Variants in STAB2 observed in about 807,000 individuals in gnomAD.
STAB2 encodes the protein stabilin 2, also known as stabilin-2.
Under a neutral mutation model 338.1 loss-of-function variants are expected in STAB2, and 288 were observed. The observed-to-expected ratio is 0.85, with a 90% CI of 0.77 to 0.94. STAB2 has a LOEUF of 0.94. Among genes scored for constraint, STAB2 ranks in the 40% least tolerant of loss-of-function variants. STAB2 has a pLI of 0.00. For synonymous variants in STAB2, 1,202 were observed against 1,193.3 expected, an observed-to-expected ratio of 1.01 and a Z score of -0.15; for missense variants, 3,141 against 3,210.1, an observed-to-expected ratio of 0.98 and a Z score of 0.52.
intron 3 of STAB2, among the ~76,000 whole-genome samples, chr12:103,596,362 A>G (rs756487100): frequency 1.3e-5 from 2 of 152,238 alleles, no homozygotes; most frequent in East Asian, 1.9e-4. Context: ...TGAATGTCAG[A>G]AAACAGCCAG....
At chr12:103,610,240 T>C (rs1396464253) in intron 3 of STAB2, among the ~76,000 whole-genome samples, 1 of 152,180 alleles carries the variant, frequency 6.6e-6, no homozygotes, top group Admixed American at 6.5e-5. Context: ...TTCTATTGAT[T>C]GGAATAGTTT....
chr12:103,744,530 G>T (rs1882854196), intron 56 of STAB2, among the ~76,000 whole-genome samples: 1 of 146,210 alleles, frequency 6.8e-6, no homozygotes, highest in African/African-American at 2.6e-5. Flanking sequence ...ACAGTGGTGT[G>T]ATCACAGCTT....
Position 103,668,628 on chromosome 12 carries a change from C to T in STAB2, c.2086-15C>T, listed in dbSNP as rs1565998021. On this transcript the variant is annotated splice_polypyrimidine_tract_variant and intron_variant, in intron 19 of 68. Transcript: ENST00000388887. ...CATGCTGACTGCCATGCTTTCCCTC[C>T]TTGGCTTTCTCCAGGCACTCTTCAC... The T allele has an allele frequency of 1.3e-6, 2 of 1,551,080 alleles. No homozygotes were observed. The highest frequency in any genetic ancestry group is 8.7e-7 in the Non-Finnish European group (1 of 1,146,866).
chr12:103,632,602 T>C (rs1397188137), intron 6 of STAB2, among the ~76,000 whole-genome samples: 1 of 152,132 alleles, frequency 6.6e-6, no homozygotes, highest in Admixed American at 6.5e-5. Flanking sequence ...GGGAAGGTAG[T>C]CGCTAGGTCC....
chr12:103,682,006 A>T (rs7304095), intron 25 of STAB2, among the ~76,000 whole-genome samples: 54,968 of 151,856 alleles, frequency 0.36, 10,316 homozygotes, highest in Non-Finnish European at 0.41. Flanking sequence ...TTGCATTCTG[A>T]GGTACTGGAG....
intron 5 of STAB2, among the ~76,000 whole-genome samples, chr12:103,626,482 T>C (rs1056011675): frequency 6.6e-6 from 1 of 152,228 alleles, no homozygotes; most frequent in Non-Finnish European, 1.5e-5. Flanking sequence ...TAACATCTAT[T>C]TCTTGGGATT....
At chr12:103,661,234 A>G (rs75756797) in intron 17 of STAB2, among the ~76,000 whole-genome samples, 2,224 of 151,240 alleles carry the variant, frequency 0.015, 78 homozygotes, top group African/African-American at 0.052. Context: ...AAAAAAAAAA[A>G]AAAGAGAGAG....
intron 25 of STAB2, 128 bp downstream of exon 25, chr12:103,677,739 C>A: frequency 8.3e-7 from 1 of 1,198,008 alleles, no homozygotes; most frequent in Non-Finnish European, 1.1e-6. Flanking sequence ...TGGCAGTGAA[C>A]ATGGGTTCAT....
chr12:103,713,331 T>G (rs1880033718), intron 41 of STAB2, among the ~76,000 whole-genome samples: 3 of 152,218 alleles, frequency 2.0e-5, no homozygotes, highest in Non-Finnish European at 1.5e-5. Context: ...GTGGCAGCAC[T>G]GGACAATGAT....
intron 3 of STAB2, among the ~76,000 whole-genome samples, chr12:103,595,553 TTG>T (rs760974700): frequency 6.6e-6 from 1 of 152,234 alleles, no homozygotes; most frequent in Non-Finnish European, 1.5e-5. Flanking sequence ...TTTGGGTTTT[TTG>T]TTTGTTTATT....
At chr12:103,743,260 G>A (rs1882737589) in intron 56 of STAB2, among the ~76,000 whole-genome samples, 1 of 152,016 alleles carries the variant, frequency 6.6e-6, no homozygotes, top group South Asian at 2.1e-4. Flanking sequence ...GACCTCAGGT[G>A]ATCCACCCGC....
At chr12:103,692,207 C>G (rs1463324600) in intron 30 of STAB2, among the ~76,000 whole-genome samples, 1 of 152,172 alleles carries the variant, frequency 6.6e-6, no homozygotes, top group East Asian at 1.9e-4. Flanking sequence ...TCTTCATGTT[C>G]ACATGGCAGT....
intron 3 of STAB2, among the ~76,000 whole-genome samples, chr12:103,605,326 A>G (rs1957011342): frequency 1.5e-5 from 2 of 136,146 alleles, no homozygotes; most frequent in African/African-American, 6.6e-5. Flanking sequence ...GACTTGTTTT[A>G]TGACCTACAA....
Position 103,641,448 on chromosome 12 carries a change from A to G in STAB2, c.1040+1192A>G, listed in dbSNP as rs114873874. Among the ~76,000 whole-genome samples the G allele has an allele frequency of 3.8e-3, 583 of 152,286 alleles. 2 individuals carry two copies. Among genetic ancestry groups the G allele is most frequent in the African/African-American group, 0.013 (547 of 41,548 alleles). On this transcript the variant is annotated intron_variant, in intron 9 of 68. Transcript: ENST00000388887. Reference sequence around the variant, plus strand: ...AAGTTAAACAGGATTACATTCGTCAATCTCTGAGAAGAAGATGGCACCTAG... The same window carrying G: ...AAGTTAAACAGGATTACATTCGTCAGTCTCTGAGAAGAAGATGGCACCTAG...
At chr12:103,647,072 C>T (rs1873391437) in intron 9 of STAB2, among the ~76,000 whole-genome samples, 1 of 152,196 alleles carries the variant, frequency 6.6e-6, no homozygotes, top group Non-Finnish European at 1.5e-5. Flanking sequence ...CAGGATTCTC[C>T]TGTGTACACT....
intron 10 of STAB2, among the ~76,000 whole-genome samples, chr12:103,649,255 G>A (rs1331734783): frequency 6.6e-6 from 1 of 152,164 alleles, no homozygotes; most frequent in East Asian, 1.9e-4. Context: ...CTCAGTGGAG[G>A]GGCTGTTTGA....
Position 103,703,221 on chromosome 12 carries a change from A to G in STAB2, c.3788A>G (p.Lys1263Arg). Reference protein sequence around the residue: ...TDKGVIHGLGKVLEIQKNRCD... With the variant: ...TDKGVIHGLGRVLEIQKNRCD... Reference sequence around the variant, plus strand: ...AAGGGAGTGATCCATGGCTTGGGAAAAGTTCTGGAAATTCAGAAGAACAGA... The same window carrying G: ...AAGGGAGTGATCCATGGCTTGGGAAGAGTTCTGGAAATTCAGAAGAACAGA... Residue 1263 changes from lysine to arginine, a missense_variant, in exon 35 of 69, where the codon AAA becomes AGA. By Grantham distance (26) the Lys-to-Arg change is conservative. Transcript: ENST00000388887. 3.7e-6 allele frequency: 6 copies of G among 1,614,066 alleles called. No individual in the cohort carries two copies. The highest frequency in any genetic ancestry group is 1.1e-5 in the South Asian group (1 of 91,078).
rs768080923 is a variant in STAB2 at position 103,654,615 on chromosome 12, G to T, written c.1468G>T (p.Asp490Tyr). The T allele has an allele frequency of 3.7e-6, 6 of 1,614,160 alleles. No homozygotes were observed. Among genetic ancestry groups the T allele is most frequent in the Non-Finnish European group, 5.1e-6 (6 of 1,180,012 alleles). ...AAAGAAGGTAAAAATTATACAAGGGGACATCATTGCTTCCAATGGGCTTCT... is the reference window on the plus strand; with the variant it reads ...AAAGAAGGTAAAAATTATACAAGGGTACATCATTGCTTCCAATGGGCTTCT... ...GKKKVKIIQG[D>Y]IIASNGLLHI... Residue 490 changes from aspartate to tyrosine, a missense_variant, in exon 13 of 69, where the codon GAC becomes TAC. By Grantham distance (160) the Asp-to-Tyr change is radical. Transcript: ENST00000388887.
intron 6 of STAB2, among the ~76,000 whole-genome samples, chr12:103,635,806 T>G (rs1438009135): frequency 6.6e-5 from 10 of 152,186 alleles, no homozygotes. Flanking sequence ...CTTTGGCACC[T>G]AGTGAGTTCC....
Sources: allele counts gnomAD v4.1 joint callset (sites outside exome capture counted in the v4.1 genomes callset), GRCh38; gene constraint gnomAD v4.1.1; transcripts MANE v1.5; gene names NCBI Gene and HGNC (gene_info 2026-07-23, HGNC 2026-07-21).